Variants in EPHA6 observed in about 807,000 individuals in gnomAD.
EPHA6 encodes EPH receptor A6.
EPHA6 carries 50 observed loss-of-function variants against 112.0 expected under a neutral mutation model. That is an observed-to-expected ratio of 0.45 (90% CI 0.36 to 0.56). The LOEUF (loss-of-function observed/expected upper bound fraction) is 0.56, where lower values mean the gene tolerates loss of function less well. Among genes scored for constraint, EPHA6 ranks in the 20% least tolerant of loss-of-function variants. EPHA6 has a pLI of 0.00. For missense variants in EPHA6, 1,280 were observed against 1,417.4 expected (o/e 0.90, Z 1.56); for synonymous variants, 529 against 490.7 (o/e 1.08, Z -1.03).
chr3:97,630,485 C>G (rs917299747), intron 13 of EPHA6, among the ~76,000 whole-genome samples: 20 of 151,862 alleles, frequency 1.3e-4, no homozygotes, highest in African/African-American at 3.9e-4. Context: ...GTGTAGTCAC[C>G]TTTTTGATTT....
intron 5 of EPHA6, among the ~76,000 whole-genome samples, chr3:97,285,646 T>C (rs1014726802): frequency 2.7e-5 from 4 of 146,936 alleles, no homozygotes; most frequent in Admixed American, 6.7e-5. Flanking sequence ...ATTGATTCCA[T>C]ATATTTGCTA....
At chr3:97,207,283 A>G (rs1020811174) in intron 3 of EPHA6, among the ~76,000 whole-genome samples, 2 of 152,162 alleles carry the variant, frequency 1.3e-5, no homozygotes, top group Non-Finnish European at 2.9e-5. Context: ...TTAGTCATTT[A>G]TCAGATACTT....
At chr3:97,747,806 G>A (rs1300559075) in intron 17 of EPHA6, among the ~76,000 whole-genome samples, 2 of 151,928 alleles carry the variant, frequency 1.3e-5, no homozygotes, top group Non-Finnish European at 2.9e-5. Context: ...TTTCTAAAAT[G>A]CATGTTACTC....
At chr3:97,019,187 A>G (rs1439619418) in intron 3 of EPHA6, among the ~76,000 whole-genome samples, 1 of 152,160 alleles carries the variant, frequency 6.6e-6, no homozygotes, top group Non-Finnish European at 1.5e-5. Flanking sequence ...ATTATACTGG[A>G]ACAGCTCGTG....
At chr3:96,924,162 A>G (rs2039917731) in intron 2 of EPHA6, among the ~76,000 whole-genome samples, 1 of 152,116 alleles carries the variant, frequency 6.6e-6, no homozygotes, top group Non-Finnish European at 1.5e-5. Flanking sequence ...TAGTTTTTAA[A>G]TAGTTTTTCT....
chr3:97,658,410 C>T (rs2094149177), intron 14 of EPHA6, among the ~76,000 whole-genome samples: 1 of 151,824 alleles, frequency 6.6e-6, no homozygotes, highest in Non-Finnish European at 1.5e-5. Flanking sequence ...ATACTTTAAA[C>T]TATGATATAA....
intron 2 of EPHA6, among the ~76,000 whole-genome samples, chr3:96,939,934 G>A (rs1242578570): frequency 6.6e-6 from 1 of 152,152 alleles, no homozygotes. Flanking sequence ...TCTTAATCCT[G>A]AGTTCTAGTT....
At position 97,642,230 on chromosome 3, in the gene EPHA6, C is replaced by G. The variant is rs1043131705; in HGVS notation, c.2784+4148C>G. Reference sequence around the variant, plus strand: ...TCCAACAGACCTGCAGCTGAGGGTACTGTCTGTTAGAAGGAAAACTAACAA... The same window carrying G: ...TCCAACAGACCTGCAGCTGAGGGTAGTGTCTGTTAGAAGGAAAACTAACAA... On this transcript the variant is annotated intron_variant, in intron 14 of 17. Transcript: ENST00000389672. Among the ~76,000 whole-genome samples, 5 of 93,992 alleles carry G rather than the reference C, an allele frequency of 5.3e-5. 2 individuals carry two copies. The highest frequency in any genetic ancestry group is 2.2e-4 in the African/African-American group (5 of 22,612). 61.7% of individuals were successfully genotyped at this position (93,992 alleles called of 152,430 possible).
At chr3:96,836,719 A>G (rs933828667) in intron 1 of EPHA6, among the ~76,000 whole-genome samples, 1 of 152,204 alleles carries the variant, frequency 6.6e-6, no homozygotes, top group Admixed American at 6.6e-5. Flanking sequence ...CAGATAAGCC[A>G]GTTGTATCCA....
At chr3:97,356,013 T>A (rs2084056424) in intron 5 of EPHA6, among the ~76,000 whole-genome samples, 1 of 152,192 alleles carries the variant, frequency 6.6e-6, no homozygotes. Context: ...TACCCAACAC[T>A]GGGCCAGGTG....
chr3:96,922,335 T>C (rs941663408), intron 2 of EPHA6, among the ~76,000 whole-genome samples: 2 of 152,096 alleles, frequency 1.3e-5, no homozygotes, highest in African/African-American at 4.8e-5. Context: ...TGTCAAAGAA[T>C]GGTAAAATCA....
chr3:97,505,479 G>A (rs2092225734), intron 10 of EPHA6, among the ~76,000 whole-genome samples: 2 of 151,938 alleles, frequency 1.3e-5, no homozygotes, highest in Admixed American at 6.6e-5. Context: ...GAGAATGATG[G>A]TTTCCAGCTT....
chr3:97,675,756 A>T (rs1178513324), intron 14 of EPHA6, among the ~76,000 whole-genome samples: 4 of 152,230 alleles, frequency 2.6e-5, no homozygotes, highest in African/African-American at 7.2e-5. Context: ...AGATAAATTG[A>T]ATCTTACATC....
chr3:97,162,045 A>T (rs2076427643), intron 3 of EPHA6, among the ~76,000 whole-genome samples: 1 of 152,182 alleles, frequency 6.6e-6, no homozygotes, highest in African/African-American at 2.4e-5. Context: ...ATCAGGTACA[A>T]GATGAAACCA....
rs546499280 is a variant in EPHA6, at chr3:97,362,304, T to G, written c.1607-42846T>G. On this transcript the variant is annotated intron_variant, in intron 5 of 17. Coordinates refer to ENST00000389672, the MANE Select transcript of EPHA6 (RefSeq NM_001080448.3). Reference sequence around the variant, plus strand: ...TTGCCAATCAGCTTATTTATGAGCATGCGCACATGTGAATTATTTTACATT... The same window carrying G: ...TTGCCAATCAGCTTATTTATGAGCAGGCGCACATGTGAATTATTTTACATT... Among the ~76,000 whole-genome samples, 3 of 152,266 alleles carry G rather than the reference T, an allele frequency of 2.0e-5. No individual in the cohort carries two copies. In the South Asian group the frequency reaches 6.2e-4, roughly 32 times the overall value.
intron 14 of EPHA6, among the ~76,000 whole-genome samples, chr3:97,645,529 G>GA (rs2094052380): frequency 8.7e-6 from 1 of 115,586 alleles, no homozygotes; most frequent in Admixed American, 1.0e-4. Context: ...GTGGGGGGAG[G>GA]GGGGAGGGAT....
At chr3:96,874,190 A>G (rs1478255332) in intron 2 of EPHA6, among the ~76,000 whole-genome samples, 1 of 152,136 alleles carries the variant, frequency 6.6e-6, no homozygotes. Context: ...AGAAAGACCG[A>G]TTTTGTTTAA....
chr3:97,279,469 C>T (rs1037258215), intron 5 of EPHA6, among the ~76,000 whole-genome samples: 1 of 151,326 alleles, frequency 6.6e-6, no homozygotes, highest in Non-Finnish European at 1.5e-5. Context: ...TGCTGTCAGA[C>T]TGCTCAAGTG....
chr3:96,855,007 A>G (rs1308458069), intron 1 of EPHA6, among the ~76,000 whole-genome samples: 1 of 152,140 alleles, frequency 6.6e-6, no homozygotes, highest in African/African-American at 2.4e-5. Flanking sequence ...ACTGCGTTCC[A>G]TTCTGGAGGT....
Sources: allele counts gnomAD v4.1 joint callset (sites outside exome capture counted in the v4.1 genomes callset), GRCh38; gene constraint gnomAD v4.1.1; transcripts MANE v1.5; gene names NCBI Gene and HGNC (gene_info 2026-07-23, HGNC 2026-07-21).